AGMO: variants seen among roughly 807,000 people sequenced by gnomAD.
AGMO encodes alkylglycerol monooxygenase.
In AGMO, 75 loss-of-function variants were observed where a neutral mutation model predicts 60.2. The ratio of observed to expected loss-of-function variants is 1.25; its 90% CI spans 1.03 to 1.51. The LOEUF (loss-of-function observed/expected upper bound fraction) is 1.51. Among genes scored for constraint, AGMO ranks in the 40% most tolerant of loss-of-function variants. The pLI is 0.00. For missense variants in AGMO, 763 were observed against 525.5 expected, an observed-to-expected ratio of 1.45 and a Z score of -4.42; for synonymous variants, 261 against 177.1, an observed-to-expected ratio of 1.47 and a Z score of -3.76.
At chr7:15,158,593 T>C in the AGMO span, among the ~76,000 whole-genome samples, 1 of 152,208 alleles carries the variant, frequency 6.6e-6, no homozygotes, top group Non-Finnish European at 1.5e-5. Flanking sequence ...GGAAATAGTT[T>C]CATGCCAATG....
intron 3 of AGMO, among the ~76,000 whole-genome samples, chr7:15,466,568 A>G (rs937466886): frequency 2.6e-5 from 4 of 152,148 alleles, no homozygotes; most frequent in African/African-American, 9.6e-5. Flanking sequence ...GACATGCAGC[A>G]TATAATAATT....
chr7:15,139,812 T>C, the AGMO span, among the ~76,000 whole-genome samples: 2 of 109,254 alleles, frequency 1.8e-5, no homozygotes, highest in African/African-American at 4.4e-5. Context: ...AGACCCTATC[T>C]CAAAAGACAA....
chr7:15,130,503 A>G, the AGMO span, among the ~76,000 whole-genome samples: 1 of 152,074 alleles, frequency 6.6e-6, no homozygotes, highest in African/African-American at 2.4e-5. Context: ...ATTGTTTAAA[A>G]CATTGTTCTA....
intron 2 of AGMO, among the ~76,000 whole-genome samples, chr7:15,547,486 A>G (rs866266288): frequency 0.022 from 3,395 of 151,466 alleles, 110 homozygotes; most frequent in African/African-American, 0.078. Flanking sequence ...GAAGCAGGGC[A>G]AGGCATTGCC....
intron 10 of AGMO, among the ~76,000 whole-genome samples, chr7:15,368,773 G>A (rs1316884654): frequency 6.6e-6 from 1 of 152,070 alleles, no homozygotes. Flanking sequence ...GAAACTCACA[G>A]ATGAAATAAG....
intron 3 of AGMO, among the ~76,000 whole-genome samples, chr7:15,435,366 C>T (rs1014343558): frequency 1.3e-5 from 2 of 151,692 alleles, no homozygotes; most frequent in African/African-American, 2.4e-5. Flanking sequence ...AGTTGCTCCA[C>T]ATCTCTGGCA....
the AGMO span, among the ~76,000 whole-genome samples, chr7:15,187,873 C>T: frequency 0.019 from 2,533 of 136,768 alleles, 54 homozygotes; most frequent in African/African-American, 0.068. Flanking sequence ...TAGGATCTCT[C>T]GGGTAAATTC....
chr7:15,324,298 G>A (rs536744427), intron 12 of AGMO, among the ~76,000 whole-genome samples: 2 of 152,104 alleles, frequency 1.3e-5, no homozygotes, highest in Non-Finnish European at 2.9e-5. Flanking sequence ...GTTGGTATCA[G>A]GCAACCCTGT....
chr7:15,354,478 GTGTGTATATACACA>G lies in AGMO; in HGVS notation c.1263+11022_1263+11035del, dbSNP rs1563105850. On this transcript the variant is annotated intron_variant, in intron 12 of 12. Transcript: ENST00000342526. ...TATACACACGTGTGTGTATACACAC[GTGTGTATATACACA>G]CGTGTATATATATATATATATATAT... Among the ~76,000 whole-genome samples, 13 of 15,702 alleles carry G rather than the reference GTGTGTATATACACA, an allele frequency of 8.3e-4. 1 individual carries two copies. Among genetic ancestry groups the G allele is most frequent in the Non-Finnish European group, 1.1e-3 (11 of 9,624 alleles). The allele number at this position is 15,702 out of a possible 152,430, so 10.3% of individuals were successfully genotyped here.
rs183005200 is a variant in AGMO at position 15,474,486 on chromosome 7, A to C, written c.410-43378T>G. 1.4e-4 allele frequency among the ~76,000 whole-genome samples: 21 copies of C among 152,192 alleles called. No homozygotes were observed. The East Asian group carries it at 4.1e-3, about 29-fold the overall frequency. ...TAATAACTGGTGTCGGAAAAACTGG[A>C]TAGCGATATGCAGAAAACTGAAACT... On this transcript the variant is annotated intron_variant, in intron 3 of 12. Transcript: ENST00000342526.
At chr7:15,347,981 T>G (rs184471019) in intron 12 of AGMO, among the ~76,000 whole-genome samples, 91 of 152,156 alleles carry the variant, frequency 6.0e-4, no homozygotes, top group African/African-American at 2.1e-3. Flanking sequence ...TCTTACTAAA[T>G]ATAGTTTACT....
At chr7:15,430,622 G>GTT (rs747900856) in intron 4 of AGMO, among the ~76,000 whole-genome samples, 3 of 107,294 alleles carry the variant, frequency 2.8e-5, no homozygotes, top group Admixed American at 1.8e-4. Context: ...AAAACAACTG[G>GTT]TTTTTTTTAA....
the AGMO span, among the ~76,000 whole-genome samples, chr7:15,146,224 G>A: frequency 6.6e-6 from 1 of 152,152 alleles, no homozygotes; most frequent in Non-Finnish European, 1.5e-5. Flanking sequence ...TGTATTTTCA[G>A]ATTCTTGGAA....
At chr7:15,350,102 G>A (rs1055486279) in intron 12 of AGMO, among the ~76,000 whole-genome samples, 1 of 152,056 alleles carries the variant, frequency 6.6e-6, no homozygotes, top group African/African-American at 2.4e-5. Context: ...TCCTCACAAT[G>A]TTAATTCATA....
At chr7:15,320,113 T>C (rs1258968065) in intron 12 of AGMO, among the ~76,000 whole-genome samples, 1 of 81,558 alleles carries the variant, frequency 1.2e-5, no homozygotes, top group African/African-American at 6.8e-5. Flanking sequence ...GGGCCTGTTG[T>C]GGGGTGGGGG....
chr7:15,552,880 A>T (rs1253262863), intron 2 of AGMO, among the ~76,000 whole-genome samples: 1 of 149,960 alleles, frequency 6.7e-6, no homozygotes, highest in Non-Finnish European at 1.5e-5. Flanking sequence ...ACGTATGTTT[A>T]TTGCGGCATT....
chr7:15,149,127 A>G, the AGMO span, among the ~76,000 whole-genome samples: 22 of 152,128 alleles, frequency 1.4e-4, no homozygotes, highest in South Asian at 4.4e-3. Flanking sequence ...TTTTTGAGAA[A>G]TGTCTATTCA....
At chr7:15,283,606 A>T (rs1343388334) in intron 12 of AGMO, among the ~76,000 whole-genome samples, 1 of 152,078 alleles carries the variant, frequency 6.6e-6, no homozygotes. Context: ...AGACCTAAAA[A>T]ATGAGATGAA....
At chr7:15,138,501 T>C in the AGMO span, among the ~76,000 whole-genome samples, 171 of 152,320 alleles carry the variant, frequency 1.1e-3, 2 homozygotes, top group African/African-American at 3.9e-3. Context: ...TTTAGTGATA[T>C]AAAATAAGAC....
Sources: allele counts gnomAD v4.1 joint callset (sites outside exome capture counted in the v4.1 genomes callset), GRCh38; gene constraint gnomAD v4.1.1; transcripts MANE v1.5; gene names NCBI Gene and HGNC (gene_info 2026-07-23, HGNC 2026-07-21).